Variants in MYO5B observed in about 807,000 individuals in gnomAD.
MYO5B encodes unconventional myosin-Vb.
A neutral mutation model predicts 229.3 loss-of-function variants in MYO5B; 143 were observed. That is an observed-to-expected ratio of 0.62 (90% CI 0.54 to 0.72). The LOEUF is 0.72. Among genes scored for constraint, MYO5B ranks in the 30% least tolerant of loss-of-function variants. The pLI, the probability that MYO5B is intolerant of heterozygous loss-of-function variation, is 0.00. For synonymous variants in MYO5B, 918 were observed against 885.2 expected, an observed-to-expected ratio of 1.04 and a Z score of -0.66; for missense variants, 2,321 against 2,331.0, an observed-to-expected ratio of 1.00 and a Z score of 0.09.
intron 1 of MYO5B, among the ~76,000 whole-genome samples, chr18:50,123,622 C>T (rs2032107298): frequency 6.6e-6 from 1 of 151,912 alleles, no homozygotes; most frequent in Non-Finnish European, 1.5e-5. Flanking sequence ...CCGTACAGTC[C>T]CAGCTCCTTG....
intron 1 of MYO5B, among the ~76,000 whole-genome samples, chr18:50,098,482 T>C (rs1053371856): frequency 6.6e-6 from 1 of 152,042 alleles, no homozygotes; most frequent in African/African-American, 2.4e-5. Flanking sequence ...AGGAAGCAAA[T>C]ACACAACAAG....
intron 14 of MYO5B, among the ~76,000 whole-genome samples, chr18:49,938,478 G>C (rs562779348): frequency 6.6e-6 from 1 of 152,230 alleles, no homozygotes; most frequent in Non-Finnish European, 1.5e-5. Context: ...GGAACATACA[G>C]GCCCCATTCA....
In MYO5B at chr18:50,073,087, T is replaced by C. The variant is rs2030996452; in HGVS notation, c.28-17709A>G. ...TCCTTCACACAGGAGAAGCCAGAAG[T>C]TGACTGAGTAGTTTAGCGATCTGGA... On this transcript the variant is annotated intron_variant, in intron 1 of 39. Coordinates refer to ENST00000285039, the MANE Select transcript of MYO5B (RefSeq NM_001080467.3). Among the ~76,000 whole-genome samples, 3 of 152,202 alleles carry C rather than the reference T, an allele frequency of 2.0e-5. No homozygotes were observed. The South Asian group carries it at 6.2e-4, about 32-fold the overall frequency.
Position 50,027,569 on chromosome 18 carries a change from A to G in MYO5B, c.455+9281T>C, listed in dbSNP as rs554365574. On this transcript the variant is annotated intron_variant, in intron 4 of 39. Transcript: ENST00000285039. ...CACAACCAAGAGTGCTCCAAGAACAAGTCATGATTGACTAACCCAGTGTGT... is the reference window on the plus strand; with the variant it reads ...CACAACCAAGAGTGCTCCAAGAACAGGTCATGATTGACTAACCCAGTGTGT... Among the ~76,000 whole-genome samples, 5 of 152,340 alleles carry G rather than the reference A, an allele frequency of 3.3e-5. No individual in the cohort carries two copies. In the South Asian group the frequency reaches 1.0e-3, roughly 32 times the overall value.
intron 1 of MYO5B, among the ~76,000 whole-genome samples, chr18:50,185,860 C>T (rs2033141234): frequency 6.6e-6 from 1 of 151,318 alleles, no homozygotes; most frequent in African/African-American, 2.4e-5. Context: ...CCTTTGTAGG[C>T]TACAGGAAAA....
At chr18:50,155,002 A>AG (rs2032657493) in intron 1 of MYO5B, among the ~76,000 whole-genome samples, 2 of 152,256 alleles carry the variant, frequency 1.3e-5, no homozygotes, top group African/African-American at 4.8e-5. Flanking sequence ...GGCCTGCTTT[A>AG]GAGCAGACAA....
At chr18:50,016,984 C>T (rs1413349271) in intron 4 of MYO5B, among the ~76,000 whole-genome samples, 1 of 151,940 alleles carries the variant, frequency 6.6e-6, no homozygotes, top group East Asian at 1.9e-4. Context: ...AATCTACTCC[C>T]CCAATCTACC....
intron 4 of MYO5B, among the ~76,000 whole-genome samples, chr18:50,002,252 C>G (rs1447579410): frequency 6.6e-6 from 1 of 152,042 alleles, no homozygotes; most frequent in Non-Finnish European, 1.5e-5. Flanking sequence ...ATGCTATTAG[C>G]CACCAAAATA....
At chr18:50,139,265 C>T (rs2032381935) in intron 1 of MYO5B, among the ~76,000 whole-genome samples, 2 of 152,206 alleles carry the variant, frequency 1.3e-5, no homozygotes, top group Admixed American at 1.3e-4. Flanking sequence ...AACTTTGCAG[C>T]TGAGCATTAA....
At chr18:50,158,816 C>T (rs2032721094) in intron 1 of MYO5B, among the ~76,000 whole-genome samples, 1 of 152,214 alleles carries the variant, frequency 6.6e-6, no homozygotes, top group African/African-American at 2.4e-5. Context: ...CTACAGTTAT[C>T]AACCTCCTGG....
chr18:50,171,279 G>T (rs1221969872), intron 1 of MYO5B, among the ~76,000 whole-genome samples: 1 of 128,050 alleles, frequency 7.8e-6, no homozygotes, highest in African/African-American at 3.0e-5. Flanking sequence ...AACGACAGCA[G>T]CAGAGGCATG....
intron 1 of MYO5B, among the ~76,000 whole-genome samples, chr18:50,061,169 C>T (rs543526212): frequency 6.6e-6 from 1 of 152,192 alleles, no homozygotes; most frequent in South Asian, 2.1e-4. Context: ...GTCAAGTGTG[C>T]GGGCTCTAGA....
At chr18:50,045,665 G>C (rs1435391174) in intron 2 of MYO5B, among the ~76,000 whole-genome samples, 1 of 152,178 alleles carries the variant, frequency 6.6e-6, no homozygotes, top group Non-Finnish European at 1.5e-5. Context: ...TGAGATTACA[G>C]GTGTGAGCCG....
In MYO5B at chr18:50,093,197, C is replaced by CACACACAG. The variant is rs1555658323; in HGVS notation, c.28-37820_28-37819insCTGTGTGT. On this transcript the variant is annotated intron_variant, in intron 1 of 39. Coordinates refer to ENST00000285039, the MANE Select transcript of MYO5B (RefSeq NM_001080467.3). ...GCTTTGTGCCACACACACACACACA[C>CACACACAG]ACACACACAGACACACACACACACA... Among the ~76,000 whole-genome samples, 12 of 146,034 alleles carry CACACACAG rather than the reference C, an allele frequency of 8.2e-5. No individual in the cohort carries two copies. The East Asian group carries it at 2.1e-3, about 25-fold the overall frequency.
chr18:49,929,728 A>G lies in MYO5B; in HGVS notation c.2004-130T>C, dbSNP rs1598889653. The G allele has an allele frequency of 1.2e-5, 10 of 816,364 alleles. No homozygotes were observed. The East Asian group carries it at 2.6e-4, about 22-fold the overall frequency. The allele number at this position is 816,364 out of a possible 1,614,324, so 50.6% of individuals were successfully genotyped here. On this transcript the variant is annotated intron_variant, in intron 16 of 39. Transcript: ENST00000285039. ...TGCTGCCACTGAGTTACAGCCACTG[A>G]GTTACCCTTGAGCTCAAGTCAGGGA...
intron 25 of MYO5B, chr18:49,876,123 A>G (rs1349682730): frequency 4.8e-6 from 2 of 412,874 alleles, no homozygotes; most frequent in African/African-American, 4.1e-5. Context: ...GGATAAAAAC[A>G]CAGGCACTTT....
At chr18:50,114,197 A>C (rs1488785486) in intron 1 of MYO5B, among the ~76,000 whole-genome samples, 1 of 152,222 alleles carries the variant, frequency 6.6e-6, no homozygotes, top group African/African-American at 2.4e-5. Flanking sequence ...AGTTAAAAAG[A>C]AAAGAAAAAA....
intron 18 of MYO5B, among the ~76,000 whole-genome samples, chr18:49,910,091 G>T (rs2024940802): frequency 6.6e-6 from 1 of 152,212 alleles, no homozygotes; most frequent in African/African-American, 2.4e-5. Flanking sequence ...AAGCTGCACT[G>T]AAGCCGAGCA....
At chr18:50,033,427 C>A (rs2026412136) in intron 4 of MYO5B, among the ~76,000 whole-genome samples, 1 of 152,202 alleles carries the variant, frequency 6.6e-6, no homozygotes, top group South Asian at 2.1e-4. Context: ...ATTTATACTT[C>A]CTGCAATTAT....
Sources: gnomAD v4.1 joint callset for allele counts (sites outside exome capture counted in the v4.1 genomes callset) on GRCh38, gnomAD v4.1.1 for gene constraint, MANE v1.5 for transcripts, NCBI Gene and HGNC (gene_info 2026-07-23, HGNC 2026-07-21) for gene names.